The following ROBO2 variants were observed in gnomAD, a reference collection of about 807,000 sequenced individuals.
The protein encoded by ROBO2 is roundabout guidance receptor 2, also known as roundabout homolog 2.
In ROBO2, 53 loss-of-function variants were observed where a neutral mutation model predicts 160.8. The ratio of observed to expected loss-of-function variants is 0.33; its 90% CI spans 0.26 to 0.41. ROBO2 has a LOEUF of 0.41. Among genes scored for constraint, ROBO2 ranks in the 10% least tolerant of loss-of-function variants. The pLI is 1.00. For missense variants in ROBO2, 1,577 were observed against 1,722.4 expected (o/e 0.92, Z 1.49); for synonymous variants, 664 against 611.7 (o/e 1.09, Z -1.26).
At chr3:77,150,473 A>C (rs546258970) in intron 2 of ROBO2, among the ~76,000 whole-genome samples, 16 of 152,344 alleles carry the variant, frequency 1.1e-4, no homozygotes, top group Admixed American at 5.9e-4. Flanking sequence ...TACTGCAAGA[A>C]AACCTCTGAA....
At chr3:76,943,150 C>T (rs1484678890) in intron 2 of ROBO2, among the ~76,000 whole-genome samples, 1 of 152,064 alleles carries the variant, frequency 6.6e-6, no homozygotes, top group Non-Finnish European at 1.5e-5. Context: ...ATTAACTTTT[C>T]CATTTCTTCA....
chr3:77,148,326 G>C (rs545306511), intron 2 of ROBO2, among the ~76,000 whole-genome samples: 6 of 152,174 alleles, frequency 3.9e-5, no homozygotes, highest in African/African-American at 1.4e-4. Flanking sequence ...TTAAGCAGAG[G>C]ACATACTGTG....
chr3:77,365,383 G>A (rs2153472374), intron 2 of ROBO2, among the ~76,000 whole-genome samples: 1 of 152,178 alleles, frequency 6.6e-6, no homozygotes, highest in Admixed American at 6.5e-5. Flanking sequence ...GTTACTGACA[G>A]CTATTTTTTT....
intron 2 of ROBO2, among the ~76,000 whole-genome samples, chr3:76,743,343 G>A (rs527615628): frequency 2.0e-5 from 3 of 152,146 alleles, no homozygotes; most frequent in African/African-American, 7.2e-5. Flanking sequence ...ATGAAATCAA[G>A]ACTGAGTTAC....
At chr3:76,578,083 T>C (rs1249668446) in intron 2 of ROBO2, among the ~76,000 whole-genome samples, 2 of 152,208 alleles carry the variant, frequency 1.3e-5, no homozygotes, top group African/African-American at 2.4e-5. Context: ...AACCTGACTG[T>C]GTCACTTACC....
At chr3:76,742,289 AT>A (rs2093815014) in intron 2 of ROBO2, among the ~76,000 whole-genome samples, 1 of 152,176 alleles carries the variant, frequency 6.6e-6, no homozygotes, top group Non-Finnish European at 1.5e-5. Context: ...GGGCTAGACA[AT>A]GATTAAATCT....
intron 2 of ROBO2, among the ~76,000 whole-genome samples, chr3:75,988,931 T>G (rs1284201273): frequency 6.6e-6 from 1 of 150,484 alleles, no homozygotes; most frequent in Admixed American, 6.6e-5. Flanking sequence ...AAATTATTAC[T>G]ATTAATATAA....
intron 2 of ROBO2, among the ~76,000 whole-genome samples, chr3:76,495,774 A>G (rs2107582732): frequency 6.6e-6 from 1 of 152,320 alleles, no homozygotes; most frequent in East Asian, 1.9e-4. Context: ...TCAGAATACA[A>G]AATATGAAAT....
intron 2 of ROBO2, among the ~76,000 whole-genome samples, chr3:76,351,105 C>T (rs1053673688): frequency 6.6e-6 from 1 of 151,554 alleles, no homozygotes; most frequent in South Asian, 2.1e-4. Context: ...TTTCCTCAAC[C>T]CTCTCAATAA....
chr3:75,948,295 T>G (rs1326130254), intron 2 of ROBO2, among the ~76,000 whole-genome samples: 1 of 152,080 alleles, frequency 6.6e-6, no homozygotes, highest in African/African-American at 2.4e-5. Flanking sequence ...GAAACTTTTA[T>G]TTTCAAAATT....
chr3:76,630,346 CTCAGGAACT>C (rs558553856), intron 2 of ROBO2, among the ~76,000 whole-genome samples: 79 of 152,108 alleles, frequency 5.2e-4, no homozygotes, highest in African/African-American at 1.8e-3. Context: ...GCTCTGGCCA[CTCAGGAACT>C]TGAACTGGAA....
chr3:77,131,531 A>G (rs2075852455), intron 2 of ROBO2, among the ~76,000 whole-genome samples: 1 of 152,224 alleles, frequency 6.6e-6, no homozygotes, highest in Non-Finnish European at 1.5e-5. Context: ...ACAAAAATCA[A>G]TAGTAAAAAG....
Position 76,747,332 on chromosome 3 carries a change from T to C in ROBO2, c.110-350682T>C, listed in dbSNP as rs147105061. Among the ~76,000 whole-genome samples, 588 of 152,260 alleles carry C rather than the reference T, an allele frequency of 3.9e-3. 6 individuals carry two copies. Among genetic ancestry groups the C allele is most frequent in the African/African-American group, 0.014 (562 of 41,566 alleles). ...ACAATTTTCTTGTAAGTCTAATTTT[T>C]CTTAACATTGTTTAAGTGTAAAGGT... On this transcript the variant is annotated intron_variant, in intron 2 of 26. Transcript: ENST00000487694.
intron 2 of ROBO2, among the ~76,000 whole-genome samples, chr3:76,824,377 G>C (rs555999912): frequency 6.6e-6 from 1 of 152,136 alleles, no homozygotes; most frequent in South Asian, 2.1e-4. Context: ...GATTATAGGC[G>C]GGGGCCACAG....
At chr3:77,519,892 C>T (rs1287433029) in intron 5 of ROBO2, among the ~76,000 whole-genome samples, 1 of 151,452 alleles carries the variant, frequency 6.6e-6, no homozygotes, top group Non-Finnish European at 1.5e-5. Flanking sequence ...TTTATGTTCT[C>T]ACCAGCAGTG....
At chr3:76,872,395 T>A (rs2072200267) in intron 2 of ROBO2, among the ~76,000 whole-genome samples, 1 of 152,048 alleles carries the variant, frequency 6.6e-6, no homozygotes, top group Non-Finnish European at 1.5e-5. Flanking sequence ...ACACTCAAAT[T>A]TTTTTTGTTG....
At chr3:76,285,641 T>C (rs1039266482) in intron 2 of ROBO2, among the ~76,000 whole-genome samples, 1 of 152,140 alleles carries the variant, frequency 6.6e-6, no homozygotes, top group African/African-American at 2.4e-5. Flanking sequence ...AATAAGAGAC[T>C]ACCTTGTTCT....
chr3:77,013,335 T>C (rs974896758), intron 2 of ROBO2, among the ~76,000 whole-genome samples: 4 of 152,186 alleles, frequency 2.6e-5, no homozygotes, highest in African/African-American at 9.6e-5. Context: ...TATTTTCCCA[T>C]TGAGTTGGGT....
intron 2 of ROBO2, among the ~76,000 whole-genome samples, chr3:76,637,814 AT>A (rs1381933862): frequency 9.2e-5 from 14 of 152,186 alleles, no homozygotes; most frequent in African/African-American, 3.4e-4. Context: ...TTTTGTCCTC[AT>A]AAAAGCAGTG....
Sources: allele counts gnomAD v4.1 joint callset (sites outside exome capture counted in the v4.1 genomes callset), GRCh38; gene constraint gnomAD v4.1.1; transcripts MANE v1.5; gene names NCBI Gene and HGNC (gene_info 2026-07-23, HGNC 2026-07-21).